The following SLIT3 variants were observed in gnomAD, a reference collection of about 807,000 sequenced individuals.
SLIT3 encodes the protein slit homolog 3 protein.
In SLIT3, 68 loss-of-function variants were observed where a neutral mutation model predicts 184.0. The observed-to-expected ratio is 0.37, with a 90% confidence interval of 0.30 to 0.45. SLIT3 has a LOEUF of 0.45. Among genes scored for constraint, SLIT3 ranks in the 20% least tolerant of loss-of-function variants. The pLI is 1.00. For missense variants in SLIT3, 1,707 were observed against 2,026.0 expected, an observed-to-expected ratio of 0.84 and a Z score of 3.02; for synonymous variants, 831 against 828.6, an observed-to-expected ratio of 1.00 and a Z score of -0.05.
intron 4 of SLIT3, among the ~76,000 whole-genome samples, chr5:169,124,714 T>C (rs1044052830): frequency 6.6e-6 from 1 of 152,130 alleles, no homozygotes; most frequent in Non-Finnish European, 1.5e-5. Context: ...TAATTACCAA[T>C]AATATCACCG....
chr5:168,736,704 G>A (rs917464283), intron 20 of SLIT3, among the ~76,000 whole-genome samples: 3 of 144,016 alleles, frequency 2.1e-5, no homozygotes, highest in Admixed American at 2.0e-4. Context: ...GCAATGCAGA[G>A]TGCCTGGGCT....
At chr5:168,748,021 C>T (rs1329570861) in intron 20 of SLIT3, among the ~76,000 whole-genome samples, 1 of 151,996 alleles carries the variant, frequency 6.6e-6, no homozygotes, top group East Asian at 1.9e-4. Context: ...AGGCAATAAC[C>T]CTCCCACTTA....
chr5:169,083,171 A>G (rs1365474462), intron 4 of SLIT3, among the ~76,000 whole-genome samples: 1 of 152,174 alleles, frequency 6.6e-6, no homozygotes, highest in East Asian at 1.9e-4. Context: ...AACTAATTTC[A>G]TTGTTGACTC....
chr5:168,741,353 C>T (rs1352342048), intron 20 of SLIT3, among the ~76,000 whole-genome samples: 2 of 151,858 alleles, frequency 1.3e-5, no homozygotes, highest in Non-Finnish European at 2.9e-5. Context: ...CACCTGTAGT[C>T]CCAGCTACTC....
chr5:168,872,694 A>G (rs552518848), intron 5 of SLIT3, among the ~76,000 whole-genome samples: 1 of 134,310 alleles, frequency 7.4e-6, no homozygotes, highest in Admixed American at 8.3e-5. Context: ...GCTAGAGTGC[A>G]GTGGCACAAT....
intron 4 of SLIT3, chr5:169,023,925 G>A (rs1756704825): frequency 6.6e-6 from 1 of 152,180 alleles, no homozygotes; most frequent in African/African-American, 2.4e-5. Context: ...TTTCTTCCCA[G>A]TGGAAACATT....
intron 1 of SLIT3, among the ~76,000 whole-genome samples, chr5:169,278,903 C>T (rs6889558): frequency 0.014 from 2,081 of 152,250 alleles, 54 homozygotes; most frequent in African/African-American, 0.047. Context: ...ACAGATGACA[C>T]TGGAGTTGGT....
chr5:168,730,898 G>C (rs184357470), intron 20 of SLIT3, among the ~76,000 whole-genome samples: 1 of 151,800 alleles, frequency 6.6e-6, no homozygotes, highest in African/African-American at 2.4e-5. Context: ...AAGGATTCTA[G>C]TATGAACAAC....
intron 5 of SLIT3, among the ~76,000 whole-genome samples, chr5:168,868,320 T>C (rs1356034803): frequency 6.6e-6 from 1 of 152,208 alleles, no homozygotes; most frequent in Admixed American, 6.5e-5. Flanking sequence ...GAGTCAGGTC[T>C]CACTGTGTTG....
In SLIT3 at chr5:168,662,405, T is replaced by C. The variant is rs2113134531; in HGVS notation, c.*4049A>G. ...GTTTCTGGTGAAGGGAAAGGTTAGA[T>C]CATCCTGGTCCTGGCCTTTCCTGAA... On this transcript the variant is annotated 3_prime_UTR_variant, in exon 36 of 36. Coordinates refer to ENST00000519560, the MANE Select transcript of SLIT3 (RefSeq NM_003062.4). The C allele has an allele frequency of 6.6e-6, 1 of 152,334 alleles. No individual in the cohort carries two copies. The highest frequency in any genetic ancestry group is 2.1e-4 in the South Asian group (1 of 4,816). The allele number at this position is 152,334 out of a possible 1,614,324, so 9.4% of individuals were successfully genotyped here.
chr5:168,787,040 G>A (rs1435276396), intron 11 of SLIT3, among the ~76,000 whole-genome samples: 1 of 152,186 alleles, frequency 6.6e-6, no homozygotes, highest in African/African-American at 2.4e-5. Context: ...TGGTAAATGG[G>A]CATGATAAAC....
At chr5:168,956,795 AAAC>A (rs937824189) in intron 4 of SLIT3, among the ~76,000 whole-genome samples, 2 of 151,938 alleles carry the variant, frequency 1.3e-5, no homozygotes, top group South Asian at 2.1e-4. Context: ...CCATCAAAAC[AAAC>A]AACAACAAAA....
chr5:168,683,243 G>T (rs1351419448), intron 32 of SLIT3, among the ~76,000 whole-genome samples: 1 of 151,872 alleles, frequency 6.6e-6, no homozygotes, highest in Non-Finnish European at 1.5e-5. Context: ...GCATGAACCT[G>T]TAATTAATCC....
At chr5:168,871,451 G>C (rs190511543) in intron 5 of SLIT3, among the ~76,000 whole-genome samples, 21 of 152,236 alleles carry the variant, frequency 1.4e-4, no homozygotes, top group African/African-American at 3.9e-4. Context: ...CCATGTCTTG[G>C]TGGGGACAAG....
intron 1 of SLIT3, among the ~76,000 whole-genome samples, chr5:169,262,414 A>G (rs2072104550): frequency 6.6e-6 from 1 of 152,182 alleles, no homozygotes; most frequent in Admixed American, 6.5e-5. Context: ...AGAAGGATCC[A>G]GTTGAAGGAC....
Position 168,666,630 on chromosome 5 carries a change from A to T in SLIT3, c.4396T>A (p.Ser1466Thr). 6.2e-7 allele frequency: 1 copy of T among 1,614,174 alleles called. No homozygotes were observed. The highest frequency in any genetic ancestry group is 8.5e-7 in the Non-Finnish European group (1 of 1,180,036). ...EVIRRQKGYASCATASKVPIM... is the reference protein window; with the variant it reads ...EVIRRQKGYATCATASKVPIM... ...GGCACCTTGGAGGCTGTGGCACATG[A>T]TGCATAACCTTTCTGGCGGCGGATC... Residue 1466 changes from serine (S) to threonine (T), a missense_variant, in exon 36 of 36, where the codon TCA (serine) becomes ACA (threonine). By Grantham distance (58) the Ser-to-Thr change is moderately conservative. This residue lies in a region of SLIT3 where 387 missense variants were observed against 477.9 expected (regional missense o/e 0.81). Transcript: ENST00000519560.
At chr5:168,734,045 G>A (rs1763363624) in intron 20 of SLIT3, among the ~76,000 whole-genome samples, 1 of 152,160 alleles carries the variant, frequency 6.6e-6, no homozygotes, top group Admixed American at 6.6e-5. Flanking sequence ...AGGTAGGAGG[G>A]TGCTGAGGGC....
intron 10 of SLIT3, 31 bp from the exon 11 acceptor site, chr5:168,789,662 A>G (rs1756285899): frequency 1.3e-6 from 2 of 1,580,266 alleles, no homozygotes; most frequent in Non-Finnish European, 8.7e-7. Flanking sequence ...GTCTGAGAAC[A>G]TGGCTCAAAG....
At chr5:168,763,262 C>T (rs936375528) in intron 14 of SLIT3, among the ~76,000 whole-genome samples, 2 of 152,018 alleles carry the variant, frequency 1.3e-5, no homozygotes, top group Non-Finnish European at 2.9e-5. Context: ...AAATGACCAT[C>T]GACGCCTGGC....
Sources: allele counts gnomAD v4.1 joint callset (sites outside exome capture counted in the v4.1 genomes callset), GRCh38; gene constraint gnomAD v4.1.1; regional missense constraint gnomAD v4.1.1; transcripts MANE v1.5; gene names NCBI Gene and HGNC (gene_info 2026-07-23, HGNC 2026-07-21).